ANKRD17: variants seen among roughly 807,000 people sequenced by gnomAD.
ANKRD17 encodes ankyrin repeat domain-containing protein 17.
In ANKRD17, 19 loss-of-function variants were observed where a neutral mutation model predicts 229.7. That is an observed-to-expected ratio of 0.08 (90% CI 0.06 to 0.12). The LOEUF (loss-of-function observed/expected upper bound fraction) is 0.12. Among genes scored for constraint, ANKRD17 ranks in the 10% least tolerant of loss-of-function variants. The probability of loss-of-function intolerance (pLI) is 1.00; values close to 1 mark genes in which losing one functional copy is unlikely to be tolerated. For missense variants in ANKRD17, 2,176 were observed against 3,176.8 expected (o/e 0.68, Z 7.57); for synonymous variants, 1,112 against 1,146.1 (o/e 0.97, Z 0.60).
At chr4:73,245,233 A>C (rs945356556) in intron 1 of ANKRD17, among the ~76,000 whole-genome samples, 2 of 152,206 alleles carry the variant, frequency 1.3e-5, no homozygotes, top group African/African-American at 4.8e-5. Flanking sequence ...TCTTAGAAAG[A>C]AGACAGGACA....
At chr4:73,250,589 CAAAAAAAAAA>C (rs35160047) in intron 1 of ANKRD17, among the ~76,000 whole-genome samples, 674 of 29,416 alleles carry the variant, frequency 0.023, 23 homozygotes, top group African/African-American at 0.11. Flanking sequence ...GACCTTGTCT[CAAAAAAAAAA>C]AAAAAAAAAA....
rs1410131071 is a variant in ANKRD17 at position 73,097,288 on chromosome 4, G to GGAA, written c.5022-19_5022-17dup. The GGAA allele has an allele frequency of 6.4e-7, 1 of 1,554,916 alleles. No homozygotes were observed. Among genetic ancestry groups the GGAA allele is most frequent in the Non-Finnish European group, 8.7e-7 (1 of 1,155,270 alleles). On this transcript the variant is annotated splice_polypyrimidine_tract_variant and intron_variant, in intron 26 of 33. Coordinates refer to ENST00000358602, the MANE Select transcript of ANKRD17 (RefSeq NM_032217.5). ...TTCTGACAATCTTTAACAAAGAGAG[G>GGAA]GAAAGTACATTAAATATGGAACAGA...
chr4:73,238,651 A>G (rs902680224), intron 1 of ANKRD17, among the ~76,000 whole-genome samples: 8 of 152,146 alleles, frequency 5.3e-5, no homozygotes, highest in Admixed American at 1.3e-4. Context: ...GTCACTATAC[A>G]TAAATTTGAG....
intron 2 of ANKRD17, among the ~76,000 whole-genome samples, chr4:73,161,750 C>G (rs1732552433): frequency 6.6e-6 from 1 of 152,184 alleles, no homozygotes; most frequent in Non-Finnish European, 1.5e-5. Flanking sequence ...TAGAGGAGAA[C>G]AGAGACACAG....
chr4:73,194,511 T>C (rs1365396346), intron 1 of ANKRD17, among the ~76,000 whole-genome samples: 1 of 152,220 alleles, frequency 6.6e-6, no homozygotes, highest in African/African-American at 2.4e-5. Context: ...AAAACCGTTT[T>C]GGTTATTATA....
At chr4:73,083,979 T>C (rs966247274) in intron 30 of ANKRD17, among the ~76,000 whole-genome samples, 5 of 151,632 alleles carry the variant, frequency 3.3e-5, no homozygotes, top group Non-Finnish European at 7.4e-5. Flanking sequence ...TTACTATAAC[T>C]TCCTTAAGGG....
At chr4:73,088,084 G>A (rs1344544132) in intron 29 of ANKRD17, among the ~76,000 whole-genome samples, 1 of 152,134 alleles carries the variant, frequency 6.6e-6, no homozygotes, top group Non-Finnish European at 1.5e-5. Context: ...TTACTATGCT[G>A]CTTATTCTGT....
intron 2 of ANKRD17, among the ~76,000 whole-genome samples, chr4:73,166,071 A>G (rs1252891473): frequency 6.6e-6 from 1 of 152,234 alleles, no homozygotes; most frequent in Non-Finnish European, 1.5e-5. Flanking sequence ...GTTGTTTCAC[A>G]CCACTATATT....
chr4:73,137,008 A>G, intron 15 of ANKRD17, among the ~76,000 whole-genome samples: 1 of 144,754 alleles, frequency 6.9e-6, no homozygotes, highest in African/African-American at 2.5e-5. Flanking sequence ...TTTAAGTCAA[A>G]TTGGTTGTTC....
rs996657475 is a variant in ANKRD17, at chr4:73,099,041, A to G, written c.4574-521T>C. On this transcript the variant is annotated intron_variant, in intron 25 of 33. Transcript: ENST00000358602. The stretch of plus-strand genomic sequence containing the variant: ...AAACAAGGGAGCTGCCAAGACCCGG[A>G]AAACCACCACAACTCCAGGAAGGAA... The G allele has an allele frequency of 9.2e-6, 9 of 982,626 alleles. No individual in the cohort carries two copies. In the African/African-American group the frequency reaches 1.4e-4, roughly 16 times the overall value. 60.9% of individuals were successfully genotyped at this position (982,626 alleles called of 1,614,324 possible).
chr4:73,105,579 T>C (rs1165890463), intron 24 of ANKRD17, among the ~76,000 whole-genome samples: 4 of 151,636 alleles, frequency 2.6e-5, no homozygotes, highest in Non-Finnish European at 1.5e-5. Context: ...AAGAGGTAAA[T>C]GGATTTGGCG....
chr4:73,102,070 C>T (rs1422624119), intron 25 of ANKRD17, among the ~76,000 whole-genome samples: 2 of 152,014 alleles, frequency 1.3e-5, no homozygotes, highest in Admixed American at 1.3e-4. Context: ...CCCCCCAATC[C>T]CCAGTAGCTA....
At position 73,147,206 on chromosome 4, in the gene ANKRD17, T is replaced by C. The variant is rs187928637; in HGVS notation, c.1759+35A>G. 558 of 1,492,698 alleles carry C rather than the reference T, an allele frequency of 3.7e-4. No homozygotes were observed. The African/African-American group carries it at 7.0e-3, about 19-fold the overall frequency. 92.5% of individuals were successfully genotyped at this position (1,492,698 alleles called of 1,614,324 possible). A position where few individuals can be genotyped will look rare whatever the true frequency, so the allele number is the denominator to read the frequency against. On this transcript the variant is annotated intron_variant, in intron 9 of 33. Coordinates refer to ENST00000358602, the MANE Select transcript of ANKRD17 (RefSeq NM_032217.5). ...ATGACATTTTTACTTAAACAAATCA[T>C]GTAAAAAACTTCTCCCAAATGCAAA...
In ANKRD17 at chr4:73,142,660, C is replaced by T; in HGVS notation, c.2065G>A (p.Asp689Asn). The change falls in exon 12 of 34, where the codon GAT becomes AAT. Residue 689 changes from aspartate to asparagine, a missense_variant. Coordinates refer to ENST00000358602, the MANE Select transcript of ANKRD17 (RefSeq NM_032217.5). ...CATACTTTCAAACGGTGAGTAGGAT[C>T]TGCCCCATGAGCCAAAAGTAGTTCC... ...VVELLLAHGA[D>N]PTHRLKDGST... 1 of 1,614,020 alleles carries T rather than the reference C, an allele frequency of 6.2e-7. No homozygotes were observed. The highest frequency in any genetic ancestry group is 8.5e-7 in the Non-Finnish European group (1 of 1,179,942).
chr4:73,222,950 T>C (rs1254703712), intron 1 of ANKRD17: 1 of 1,503,460 alleles, frequency 6.7e-7, no homozygotes. Flanking sequence ...TCAACTTTCA[T>C]TTCACTTACA....
intron 31 of ANKRD17, 31 bp from the exon 32 acceptor site, chr4:73,077,564 T>C: frequency 6.6e-7 from 1 of 1,513,924 alleles, no homozygotes; most frequent in East Asian, 2.4e-5. Context: ...AAAACAAAAA[T>C]AGATAATATT....
chr4:73,211,572 T>G (rs948073160), intron 1 of ANKRD17, among the ~76,000 whole-genome samples: 5 of 152,038 alleles, frequency 3.3e-5, no homozygotes, highest in Non-Finnish European at 7.4e-5. Flanking sequence ...GTCGGCCAGG[T>G]GTGGTGGCTC....
intron 26 of ANKRD17, among the ~76,000 whole-genome samples, chr4:73,097,633 C>T (rs1723468955): frequency 6.6e-6 from 1 of 152,012 alleles, no homozygotes. Flanking sequence ...GAGACAGGGT[C>T]TCCCTATGTT....
chr4:73,127,383 TAAATA>T (rs1232182896), intron 16 of ANKRD17, among the ~76,000 whole-genome samples: 2 of 152,236 alleles, frequency 1.3e-5, no homozygotes, highest in African/African-American at 4.8e-5. Flanking sequence ...TAAATTAAAT[TAAATA>T]TATTTTAAAA....
Sources: allele counts gnomAD v4.1 joint callset (sites outside exome capture counted in the v4.1 genomes callset), GRCh38; gene constraint gnomAD v4.1.1; transcripts MANE v1.5; gene names NCBI Gene and HGNC (gene_info 2026-07-23, HGNC 2026-07-21).